KIF16B: variants seen among roughly 807,000 people sequenced by gnomAD.
The protein encoded by KIF16B is kinesin-like protein KIF16B.
In KIF16B, 98 loss-of-function variants were observed where a neutral mutation model predicts 156.3. The observed-to-expected ratio is 0.63, with a 90% CI of 0.53 to 0.74. KIF16B has a LOEUF of 0.74. KIF16B is among the 30% of genes least tolerant of loss of function. KIF16B has a pLI of 0.00. For missense variants in KIF16B, 1,421 were observed against 1,606.5 expected (o/e 0.88, Z 1.97); for synonymous variants, 564 against 583.7 (o/e 0.97, Z 0.49).
At chr20:16,331,375 TA>T (rs1460662012) in intron 24 of KIF16B, among the ~76,000 whole-genome samples, 4 of 152,186 alleles carry the variant, frequency 2.6e-5, no homozygotes, top group African/African-American at 9.7e-5. Flanking sequence ...ATGGGCAGGA[TA>T]TCATTTTAGA....
chr20:16,302,730 T>C (rs932707304), intron 25 of KIF16B, among the ~76,000 whole-genome samples: 3 of 152,342 alleles, frequency 2.0e-5, no homozygotes, highest in East Asian at 3.9e-4. Context: ...TTTTGTTAGA[T>C]TTATAAACAA....
At chr20:16,444,553 G>A (rs986463254) in intron 12 of KIF16B, among the ~76,000 whole-genome samples, 2 of 152,120 alleles carry the variant, frequency 1.3e-5, no homozygotes, top group African/African-American at 2.4e-5. Context: ...CAGGTGGCGC[G>A]GGCCAAGAAG....
At chr20:16,364,700 A>G (rs2064623122) in intron 22 of KIF16B, among the ~76,000 whole-genome samples, 1 of 152,220 alleles carries the variant, frequency 6.6e-6, no homozygotes. Flanking sequence ...GAGGAACTAT[A>G]TTTTATCTCG....
At chr20:16,349,941 TG>T in intron 23 of KIF16B, among the ~76,000 whole-genome samples, 1 of 152,318 alleles carries the variant, frequency 6.6e-6, no homozygotes, top group East Asian at 1.9e-4. Context: ...TGCCACTGAC[TG>T]GGGTACTTGA....
intron 2 of KIF16B, among the ~76,000 whole-genome samples, chr20:16,526,900 G>A (rs2069566194): frequency 6.6e-6 from 1 of 152,150 alleles, no homozygotes; most frequent in Non-Finnish European, 1.5e-5. Context: ...AAATTGTTAT[G>A]ATTCTTATGA....
intron 24 of KIF16B, among the ~76,000 whole-genome samples, chr20:16,316,079 T>C (rs2063693697): frequency 6.6e-6 from 1 of 152,230 alleles, no homozygotes. Context: ...CAGTGCCACT[T>C]AGGCCTTGCT....
rs552557967 is a variant in KIF16B at position 16,524,318 on chromosome 20, A to G, written c.231+1774T>C. Among the ~76,000 whole-genome samples, 7 of 152,306 alleles carry G rather than the reference A, an allele frequency of 4.6e-5. No homozygotes were observed. In the East Asian group the frequency reaches 1.3e-3, roughly 29 times the overall value. On this transcript the variant is annotated intron_variant, in intron 3 of 25. Transcript: ENST00000354981. ...TCCAGAATCTACAAGGAACTTAAAC[A>G]AATTTACAAGAAAAAAACAAACAAC...
intron 15 of KIF16B, among the ~76,000 whole-genome samples, chr20:16,407,074 A>T (rs2065804473): frequency 6.6e-6 from 1 of 152,228 alleles, no homozygotes; most frequent in Non-Finnish European, 1.5e-5. Context: ...GACTGATGAC[A>T]GTCTTCCTTA....
intron 22 of KIF16B, chr20:16,367,297 G>A (rs6043914): frequency 8.7e-6 from 14 of 1,612,742 alleles, no homozygotes; most frequent in Non-Finnish European, 1.2e-5. Flanking sequence ...AAGGTGCTCA[G>A]GTGGACTATT....
intron 12 of KIF16B, 27 bp from the exon 13 acceptor site, chr20:16,430,009 A>C (rs201618306): frequency 8.3e-5 from 132 of 1,589,536 alleles, no homozygotes; most frequent in Non-Finnish European, 1.0e-4. Context: ...AAGAAAAAGA[A>C]AAGGTTACTT....
chr20:16,542,989 T>A (rs2070262178), intron 1 of KIF16B, among the ~76,000 whole-genome samples: 2 of 152,122 alleles, frequency 1.3e-5, no homozygotes, highest in South Asian at 4.2e-4. Flanking sequence ...TGGAGATGCA[T>A]CCAGATGACT....
intron 1 of KIF16B, among the ~76,000 whole-genome samples, chr20:16,532,673 CTCAA>C (rs1437841189): frequency 4.0e-5 from 6 of 151,894 alleles, no homozygotes; most frequent in African/African-American, 1.2e-4. Context: ...GTCCTTTTTT[CTCAA>C]TCAATCACTA....
Position 16,379,399 on chromosome 20 carries a change from T to G in KIF16B, c.2603A>C (p.His868Pro). The G allele has an allele frequency of 6.2e-7, 1 of 1,607,242 alleles. No individual in the cohort carries two copies. Among genetic ancestry groups the G allele is most frequent in the African/African-American group, 1.3e-5 (1 of 74,584 alleles). The change falls in exon 19 of 26, where the codon CAT becomes CCT. Residue 868 changes from histidine to proline, a missense_variant. Coordinates refer to ENST00000354981, the MANE Select transcript of KIF16B (RefSeq NM_024704.5). ...TTCCAACAATCTAGATTCTTTGTCATGTTCACATTTTAAACACTCTAGGAT... is the reference window on the plus strand; with the variant it reads ...TTCCAACAATCTAGATTCTTTGTCAGGTTCACATTTTAAACACTCTAGGAT... ...QEILECLKCE[H>P]DKESRLLEKH...
At chr20:16,372,858 C>G (rs918961955) in intron 20 of KIF16B, among the ~76,000 whole-genome samples, 1 of 152,176 alleles carries the variant, frequency 6.6e-6, no homozygotes, top group Non-Finnish European at 1.5e-5. Flanking sequence ...CCACCACACC[C>G]GGCTAATTTT....
intron 12 of KIF16B, among the ~76,000 whole-genome samples, chr20:16,476,128 A>T (rs2067803492): frequency 6.6e-6 from 1 of 152,246 alleles, no homozygotes; most frequent in Non-Finnish European, 1.5e-5. Context: ...ACAAACAGGC[A>T]GAGCGTGTTT....
rs547895421 is a variant in KIF16B, at chr20:16,396,441, A to C, written c.1784+8372T>G. 5.9e-5 allele frequency among the ~76,000 whole-genome samples: 9 copies of C among 152,274 alleles called. No individual in the cohort carries two copies. The South Asian group carries it at 1.7e-3, about 28-fold the overall frequency. On this transcript the variant is annotated intron_variant, in intron 17 of 25. Transcript: ENST00000354981. Reference sequence around the variant, plus strand: ...TGTAAAAAAATTTATGAAAGAAAAAATAATAAGTGCAAAGAACTCTAAAGT... The same window carrying C: ...TGTAAAAAAATTTATGAAAGAAAAACTAATAAGTGCAAAGAACTCTAAAGT...
rs997368254 is a variant in KIF16B at position 16,495,175 on chromosome 20, C to T, written c.1243-825G>A. 3.3e-5 allele frequency among the ~76,000 whole-genome samples: 5 copies of T among 152,264 alleles called. No homozygotes were observed. The East Asian group carries it at 7.7e-4, about 24-fold the overall frequency. On this transcript the variant is annotated intron_variant, in intron 11 of 25. Transcript: ENST00000354981. ...TAGCTTCAGAAAGGGGAGAACTCAT[C>T]CTTTCCAAGCCTTTTCCTTTCAGCA...
intron 25 of KIF16B, among the ~76,000 whole-genome samples, chr20:16,295,681 G>A (rs1450495874): frequency 1.3e-5 from 2 of 151,928 alleles, no homozygotes; most frequent in African/African-American, 4.8e-5. Context: ...ATGACAATCC[G>A]GTCACCTGAT....
chr20:16,289,835 C>T (rs139462237), intron 25 of KIF16B, among the ~76,000 whole-genome samples: 2,225 of 151,988 alleles, frequency 0.015, 65 homozygotes, highest in African/African-American at 0.051. Context: ...AGCCAGACTC[C>T]GTCTCAAAAA....
Sources: gnomAD v4.1 joint callset for allele counts (sites outside exome capture counted in the v4.1 genomes callset) on GRCh38, gnomAD v4.1.1 for gene constraint, MANE v1.5 for transcripts, NCBI Gene and HGNC (gene_info 2026-07-23, HGNC 2026-07-21) for gene names.